The following MB21D2 variants were observed in gnomAD, a reference collection of about 807,000 sequenced individuals.
MB21D2 encodes the protein nucleotidyltransferase MB21D2.
A neutral mutation model predicts 33.3 loss-of-function variants in MB21D2; 9 were observed. The observed-to-expected ratio is 0.27, with a 90% CI of 0.16 to 0.47. The LOEUF (loss-of-function observed/expected upper bound fraction) is 0.47, where lower values mean the gene tolerates loss of function less well. Ranked by LOEUF, MB21D2 falls within the 20% of genes least tolerant of loss-of-function variation. The pLI is 0.99. For synonymous variants in MB21D2, 241 were observed against 236.3 expected (o/e 1.02, Z -0.18); for missense variants, 540 against 624.6 (o/e 0.86, Z 1.44).
At chr3:192,872,839 C>A (rs1233861956) in intron 1 of MB21D2, among the ~76,000 whole-genome samples, 1 of 152,112 alleles carries the variant, frequency 6.6e-6, no homozygotes. Context: ...GGGCCCCAGA[C>A]AAGGTTTCAT....
intron 1 of MB21D2, among the ~76,000 whole-genome samples, chr3:192,834,890 A>C (rs1577177644): frequency 6.8e-6 from 1 of 147,406 alleles, no homozygotes; most frequent in African/African-American, 2.5e-5. Context: ...GCTCACTGCA[A>C]CCTCTGCCTC....
chr3:192,807,314 A>G (rs1711685108), intron 1 of MB21D2, among the ~76,000 whole-genome samples: 1 of 146,302 alleles, frequency 6.8e-6, no homozygotes, highest in East Asian at 2.0e-4. Context: ...TTCACTTCTG[A>G]AGGCTCATTC....
At chr3:192,853,810 A>G (rs1048950931) in intron 1 of MB21D2, among the ~76,000 whole-genome samples, 2 of 152,210 alleles carry the variant, frequency 1.3e-5, no homozygotes, top group Non-Finnish European at 2.9e-5. Context: ...TGCAGGGTTC[A>G]CATGCGTCTC....
chr3:192,834,751 C>T (rs1712396122), intron 1 of MB21D2, among the ~76,000 whole-genome samples: 2 of 151,238 alleles, frequency 1.3e-5, no homozygotes, highest in South Asian at 4.2e-4. Flanking sequence ...TGAAATGTTC[C>T]TTGAATTGCG....
chr3:192,812,388 GTCAGT>G (rs1711808323), intron 1 of MB21D2, among the ~76,000 whole-genome samples: 1 of 152,054 alleles, frequency 6.6e-6, no homozygotes, highest in Admixed American at 6.5e-5. Flanking sequence ...GTGTTTACCT[GTCAGT>G]GTCCCTCTGA....
rs1330016399 is a variant in MB21D2, at chr3:192,912,480, G to A, written c.211+5150C>T. Among the ~76,000 whole-genome samples, 6 of 151,442 alleles carry A rather than the reference G, an allele frequency of 4.0e-5. No homozygotes were observed. The South Asian group carries it at 6.2e-4, about 16-fold the overall frequency. ...GGTCAGGAGTTCTAGACCAGCCTTGGCCAACAACATGGTGAAACCCCATCT... is the reference window on the plus strand; with the variant it reads ...GGTCAGGAGTTCTAGACCAGCCTTGACCAACAACATGGTGAAACCCCATCT... On this transcript the variant is annotated intron_variant, in intron 1 of 1. Transcript: ENST00000392452.
rs554463006 is a variant in MB21D2, at chr3:192,917,398, G to A, written c.211+232C>T. ...CGGAGAAATTAACAAAAGAGCAAGC[G>A]AACAGGGGGAAAGGGAGACCCGGCG... On this transcript the variant is annotated intron_variant, in intron 1 of 1. Coordinates refer to ENST00000392452, the MANE Select transcript of MB21D2 (RefSeq NM_178496.4). Among the ~76,000 whole-genome samples the A allele has an allele frequency of 1.3e-4, 20 of 152,340 alleles. No homozygotes were observed. The South Asian group carries it at 3.9e-3, about 30-fold the overall frequency.
rs567978545 is a variant in MB21D2 at position 192,887,663 on chromosome 3, A to T, written c.211+29967T>A. Among the ~76,000 whole-genome samples the T allele has an allele frequency of 2.0e-5, 3 of 152,278 alleles. No homozygotes were observed. The South Asian group carries it at 6.2e-4, about 32-fold the overall frequency. On this transcript the variant is annotated intron_variant, in intron 1 of 1. Transcript: ENST00000392452. ...TTTTATATGTTTGAAGTTCCAAAAT[A>T]AAGTTTTAAATAATGGCTTAGCCCA...
At chr3:192,801,641 C>G (rs976057661) in intron 1 of MB21D2, among the ~76,000 whole-genome samples, 7 of 152,138 alleles carry the variant, frequency 4.6e-5, no homozygotes, top group African/African-American at 1.2e-4. Flanking sequence ...AGAAGACAGC[C>G]ATCTATGAAC....
At chr3:192,910,009 A>G (rs1323044651) in intron 1 of MB21D2, among the ~76,000 whole-genome samples, 1 of 150,672 alleles carries the variant, frequency 6.6e-6, no homozygotes, top group Admixed American at 6.6e-5. Flanking sequence ...CTAAGCAAAG[A>G]AAGAAAGTGA....
At chr3:192,804,710 G>C (rs1711627609) in intron 1 of MB21D2, among the ~76,000 whole-genome samples, 1 of 152,132 alleles carries the variant, frequency 6.6e-6, no homozygotes, top group African/African-American at 2.4e-5. Context: ...GGTACACGGT[G>C]TGATGATGTT....
chr3:192,873,224 T>C (rs1713350352), intron 1 of MB21D2, among the ~76,000 whole-genome samples: 1 of 152,160 alleles, frequency 6.6e-6, no homozygotes, highest in African/African-American at 2.4e-5. Flanking sequence ...ATTAGTATGA[T>C]TACATTAGAG....
chr3:192,853,852 T>G (rs1289510085), intron 1 of MB21D2, among the ~76,000 whole-genome samples: 1 of 152,194 alleles, frequency 6.6e-6, no homozygotes, highest in African/African-American at 2.4e-5. Context: ...TCTTAATCTT[T>G]CAAACGTTTT....
At chr3:192,888,008 G>C (rs138985896) in intron 1 of MB21D2, among the ~76,000 whole-genome samples, 1 of 151,968 alleles carries the variant, frequency 6.6e-6, no homozygotes, top group African/African-American at 2.4e-5. Context: ...ATTTGCAAGG[G>C]GAGAATCTAG....
intron 1 of MB21D2, among the ~76,000 whole-genome samples, chr3:192,829,895 T>A (rs1222609450): frequency 6.6e-6 from 1 of 152,088 alleles, no homozygotes; most frequent in South Asian, 2.1e-4. Context: ...CCCAGCTAAT[T>A]TATTTGTTTA....
intron 1 of MB21D2, among the ~76,000 whole-genome samples, chr3:192,875,826 C>A (rs902333535): frequency 6.6e-6 from 1 of 152,172 alleles, no homozygotes; most frequent in Non-Finnish European, 1.5e-5. Context: ...TATGGCCCCA[C>A]ATTTTTATTA....
At chr3:192,879,686 C>T (rs953584388) in intron 1 of MB21D2, among the ~76,000 whole-genome samples, 2 of 152,266 alleles carry the variant, frequency 1.3e-5, no homozygotes, top group African/African-American at 4.8e-5. Flanking sequence ...TCTTAATCAA[C>T]TTTTAGGCAG....
At position 192,798,464 on chromosome 3, in the gene MB21D2, C is replaced by T. The variant is rs774984184; in HGVS notation, c.1398G>A (p.Pro466=). Residue 466 remains proline, a synonymous_variant, in exon 2 of 2, where the codon CCG becomes CCA. Transcript: ENST00000392452. The surrounding 1 kb of genome is among the most constrained non-coding windows in gnomAD (Gnocchi z 4.8). ...KKLQQLVTEN[P]GKSISVFINP... ...TGATAAAGACAGAGATTGACTTTCC[C>T]GGGTTCTCAGTCACTAGCTGCTGCA... The T allele has an allele frequency of 3.7e-6, 6 of 1,614,064 alleles. No individual in the cohort carries two copies. The East Asian group carries it at 6.7e-5, about 18-fold the overall frequency.
intron 1 of MB21D2, among the ~76,000 whole-genome samples, chr3:192,820,195 C>T (rs1050599208): frequency 6.6e-5 from 10 of 152,088 alleles, no homozygotes; most frequent in Non-Finnish European, 2.9e-5. Context: ...AAAGTACACA[C>T]CCCCCAGAAA....
Sources: gnomAD v4.1 joint callset for allele counts (sites outside exome capture counted in the v4.1 genomes callset) on GRCh38, gnomAD v4.1.1 for gene constraint, Gnocchi (gnomAD v3.1) non-coding constraint, MANE v1.5 for transcripts, NCBI Gene and HGNC (gene_info 2026-07-23, HGNC 2026-07-21) for gene names.